RGS7: variants seen among roughly 807,000 people sequenced by gnomAD.
RGS7 encodes regulator of G-protein signaling 7.
RGS7 carries 27 observed loss-of-function variants against 81.1 expected under a neutral mutation model. The ratio of observed to expected loss-of-function variants is 0.33; its 90% confidence interval spans 0.25 to 0.46. The LOEUF is 0.46. Among genes scored for constraint, RGS7 ranks in the 20% least tolerant of loss-of-function variants. The pLI, the probability that RGS7 is intolerant of heterozygous loss-of-function variation, is 1.00. For synonymous variants in RGS7, 208 were observed against 207.7 expected (o/e 1.00, Z -0.01); for missense variants, 396 against 607.4 (o/e 0.65, Z 3.66).
intron 11 of RGS7, among the ~76,000 whole-genome samples, chr1:240,815,469 C>T (rs961535650): frequency 6.6e-6 from 1 of 152,108 alleles, no homozygotes; most frequent in African/African-American, 2.4e-5. Flanking sequence ...CAAAATAAAT[C>T]CTATCTCCTA....
chr1:240,948,207 T>A (rs1219272522), intron 4 of RGS7, among the ~76,000 whole-genome samples: 1 of 152,190 alleles, frequency 6.6e-6, no homozygotes, highest in African/African-American at 2.4e-5. Flanking sequence ...TCTTGTCTAG[T>A]GAATATTTTA....
chr1:241,346,525 T>G (rs149911220), intron 2 of RGS7, among the ~76,000 whole-genome samples: 150 of 152,330 alleles, frequency 9.8e-4, no homozygotes, highest in African/African-American at 3.4e-3. Flanking sequence ...ACTATTTTAT[T>G]CATTCATTCA....
intron 3 of RGS7, among the ~76,000 whole-genome samples, chr1:241,039,408 T>C (rs921963531): frequency 6.6e-6 from 1 of 152,262 alleles, no homozygotes; most frequent in Admixed American, 6.5e-5. Flanking sequence ...TCTTATTCGT[T>C]GAATCAGACA....
intron 9 of RGS7, among the ~76,000 whole-genome samples, chr1:240,846,695 G>A (rs183424394): frequency 5.1e-4 from 77 of 152,220 alleles, no homozygotes; most frequent in Middle Eastern, 6.8e-3. Flanking sequence ...CACCAGGGTT[G>A]GTTTGTGTAA....
At chr1:240,778,161 G>A (rs1683292832) in intron 18 of RGS7, among the ~76,000 whole-genome samples, 1 of 149,824 alleles carries the variant, frequency 6.7e-6, no homozygotes, top group Non-Finnish European at 1.5e-5. Context: ...ATGATCTAAT[G>A]ACCTTCCAAA....
chr1:241,319,587 C>G (rs1225882674), intron 2 of RGS7, among the ~76,000 whole-genome samples: 1 of 151,998 alleles, frequency 6.6e-6, no homozygotes, highest in Non-Finnish European at 1.5e-5. Flanking sequence ...TTCAGTGGCA[C>G]CATCATAGTT....
chr1:241,028,244 T>C (rs1431922900), intron 3 of RGS7, among the ~76,000 whole-genome samples: 7 of 152,200 alleles, frequency 4.6e-5, no homozygotes, highest in African/African-American at 7.2e-5. Context: ...TGCCGATGGA[T>C]AGAGTTTTGA....
chr1:241,155,347 C>T (rs763674653), intron 2 of RGS7, among the ~76,000 whole-genome samples: 2 of 152,186 alleles, frequency 1.3e-5, no homozygotes, highest in Non-Finnish European at 2.9e-5. Flanking sequence ...ATCTCCCCTC[C>T]TCTGCCTCCC....
intron 3 of RGS7, among the ~76,000 whole-genome samples, chr1:241,041,704 T>C (rs2060627709): frequency 6.6e-6 from 1 of 152,210 alleles, no homozygotes; most frequent in East Asian, 1.9e-4. Flanking sequence ...ATTTACACAT[T>C]TTCTATCACA....
chr1:240,786,339 C>T (rs1472355997), intron 18 of RGS7, among the ~76,000 whole-genome samples: 1 of 151,968 alleles, frequency 6.6e-6, no homozygotes, highest in East Asian at 1.9e-4. Context: ...TTCTGAATAA[C>T]GTGTGTATTA....
At chr1:241,029,891 A>T (rs886069337) in intron 3 of RGS7, among the ~76,000 whole-genome samples, 15 of 152,120 alleles carry the variant, frequency 9.9e-5, no homozygotes, top group African/African-American at 3.6e-4. Flanking sequence ...CTTTTCAGTG[A>T]TATTTGCCTT....
intron 3 of RGS7, among the ~76,000 whole-genome samples, chr1:240,988,731 C>T (rs886938698): frequency 6.6e-6 from 1 of 152,162 alleles, no homozygotes; most frequent in African/African-American, 2.4e-5. Context: ...TGTTCTCTAA[C>T]CCCTTGATCT....
chr1:241,042,246 A>G (rs1364136365), intron 3 of RGS7, among the ~76,000 whole-genome samples: 1 of 151,726 alleles, frequency 6.6e-6, no homozygotes, highest in Non-Finnish European at 1.5e-5. Context: ...TGCTGTAGAA[A>G]ATTCAGGTCA....
intron 4 of RGS7, among the ~76,000 whole-genome samples, chr1:240,954,193 C>A (rs180792557): frequency 9.2e-5 from 14 of 152,102 alleles, no homozygotes; most frequent in African/African-American, 3.1e-4. Context: ...AGAGATGATT[C>A]CATTTCTCCA....
At chr1:240,995,682 C>T (rs1328232043) in intron 3 of RGS7, among the ~76,000 whole-genome samples, 1 of 148,238 alleles carries the variant, frequency 6.7e-6, no homozygotes, top group Non-Finnish European at 1.5e-5. Flanking sequence ...CTGCTTCATT[C>T]CCGAAAATGG....
intron 2 of RGS7, among the ~76,000 whole-genome samples, chr1:241,265,025 C>T (rs920068512): frequency 3.0e-4 from 46 of 152,196 alleles, no homozygotes; most frequent in Admixed American, 3.0e-3. Flanking sequence ...GAGTGGCGGC[C>T]TTCAGTTCCC....
rs1396417723 is a variant in RGS7 at position 241,082,591 on chromosome 1, G to A, written c.175+16075C>T. Among the ~76,000 whole-genome samples, 4 of 152,160 alleles carry A rather than the reference G, an allele frequency of 2.6e-5. No individual in the cohort carries two copies. The East Asian group carries it at 5.8e-4, about 22-fold the overall frequency. ...TGGGAAGGGTGAGGGGTGATAAAGC[G>A]AAGTTGGTTAACAGGTACAAAAATA... On this transcript the variant is annotated intron_variant, in intron 3 of 18. Transcript: ENST00000440928.
At chr1:240,980,643 A>G (rs989245413) in intron 4 of RGS7, among the ~76,000 whole-genome samples, 4 of 152,198 alleles carry the variant, frequency 2.6e-5, no homozygotes, top group Non-Finnish European at 5.9e-5. Context: ...TATCAGCTAC[A>G]TTATTAACCA....
intron 2 of RGS7, among the ~76,000 whole-genome samples, chr1:241,117,293 T>C (rs1227079479): frequency 6.6e-6 from 1 of 152,214 alleles, no homozygotes; most frequent in Non-Finnish European, 1.5e-5. Context: ...CAAGTTCTGA[T>C]TGTTCACATG....
Sources: gnomAD v4.1 joint callset for allele counts (sites outside exome capture counted in the v4.1 genomes callset) on GRCh38, gnomAD v4.1.1 for gene constraint, MANE v1.5 for transcripts, NCBI Gene and HGNC (gene_info 2026-07-23, HGNC 2026-07-21) for gene names.